The following TEX15 variants were observed in gnomAD, a reference collection of about 807,000 sequenced individuals.
TEX15 encodes the protein testis expressed 15, meiosis and synapsis associated, also known as testis-expressed protein 15.
TEX15 carries 171 observed loss-of-function variants against 237.3 expected under a neutral mutation model. The ratio of observed to expected loss-of-function variants is 0.72; its 90% CI spans 0.64 to 0.82. The LOEUF (loss-of-function observed/expected upper bound fraction) is 0.82. Ranked by LOEUF, TEX15 falls within the 40% of genes least tolerant of loss-of-function variation. TEX15 has a pLI of 0.00. For missense variants in TEX15, 3,750 were observed against 3,646.5 expected, an observed-to-expected ratio of 1.03 and a Z score of -0.73; for synonymous variants, 1,338 against 1,269.8, an observed-to-expected ratio of 1.05 and a Z score of -1.14.
intron 7 of TEX15, among the ~76,000 whole-genome samples, chr8:30,854,260 A>C (rs1354240280): frequency 7.7e-6 from 1 of 130,522 alleles, no homozygotes; most frequent in Non-Finnish European, 1.6e-5. Flanking sequence ...CTGACTGACC[A>C]AAAAAAAAAA....
chr8:30,881,312 T>C (rs1808515162), intron 3 of TEX15, among the ~76,000 whole-genome samples: 1 of 152,302 alleles, frequency 6.6e-6, no homozygotes, highest in East Asian at 1.9e-4. Context: ...TTCTGTTCTT[T>C]AAATCTTTAG....
chr8:30,893,439 C>T (rs1042573046), intron 2 of TEX15, among the ~76,000 whole-genome samples: 1 of 152,196 alleles, frequency 6.6e-6, no homozygotes. Flanking sequence ...CAATGACTTA[C>T]GGTTTTGTTT....
intron 7 of TEX15, among the ~76,000 whole-genome samples, chr8:30,853,619 A>C (rs924914345): frequency 6.6e-6 from 1 of 152,180 alleles, no homozygotes; most frequent in African/African-American, 2.4e-5. Context: ...ATATTGACCC[A>C]GTCTGTGTAA....
In TEX15 at chr8:30,849,000, T is replaced by A; in HGVS notation, c.1167A>T (p.Lys389Asn). ...SDISLMPSDA[K>N]DSVNGDLLLN... ...ACAAAAGGTCACCATTAACACTGTC[T>A]TTGGCATCACTGGGCATAAGTGAAA... The change falls in exon 8 of 11, where the codon AAA (lysine) becomes AAT (asparagine). Residue 389 changes from lysine (K) to asparagine (N), a missense_variant. By Grantham distance (94) the Lys-to-Asn change is moderately conservative. Coordinates refer to ENST00000643185, the MANE Select transcript of TEX15 (RefSeq NM_001350162.2). The A allele has an allele frequency of 6.2e-7, 1 of 1,614,172 alleles. No homozygotes were observed. Among genetic ancestry groups the A allele is most frequent in the Non-Finnish European group, 8.5e-7 (1 of 1,180,028 alleles).
At chr8:30,851,865 C>T (rs770896566) in intron 7 of TEX15, among the ~76,000 whole-genome samples, 9 of 151,814 alleles carry the variant, frequency 5.9e-5, no homozygotes, top group Non-Finnish European at 1.2e-4. Context: ...ACCCAGGAGG[C>T]GGAAGTTGCA....
chr8:30,866,953 T>C (rs909572141), intron 5 of TEX15, among the ~76,000 whole-genome samples: 8 of 151,678 alleles, frequency 5.3e-5, no homozygotes, highest in African/African-American at 1.7e-4. Flanking sequence ...TAAAACACTA[T>C]AGTACTTATT....
intron 1 of TEX15, among the ~76,000 whole-genome samples, chr8:30,902,268 C>T (rs1035012449): frequency 6.7e-6 from 1 of 150,250 alleles, no homozygotes; most frequent in Non-Finnish European, 1.5e-5. Context: ...CTCTTTTAGC[C>T]AGAGTCACTA....
At chr8:30,859,801 T>C (rs935783879) in intron 6 of TEX15, 110 bp downstream of exon 6, 2 of 824,444 alleles carry the variant, frequency 2.4e-6, no homozygotes, top group Non-Finnish European at 3.3e-6. Context: ...CTTAAGATAT[T>C]ATATTGAACG....
intron 8 of TEX15, 150 bp downstream of exon 8, chr8:30,841,854 G>A (rs910493534): frequency 1.6e-5 from 8 of 504,086 alleles, no homozygotes; most frequent in African/African-American, 1.2e-4. Flanking sequence ...AATATGAATT[G>A]TTTAAATCAA....
chr8:30,845,280 A>AG lies in TEX15; in HGVS notation c.4886dup (p.Ser1630Ter). ...TTGCATCACAATCGTTGCCTGTACT[A>AG]GAATTTATGTTTTCTTTTATGCAAC... On this transcript the variant is annotated frameshift_variant, in exon 8 of 11. Coordinates refer to ENST00000643185, the MANE Select transcript of TEX15 (RefSeq NM_001350162.2). LOFTEE classifies it high-confidence loss of function. 6.2e-7 allele frequency: 1 copy of AG among 1,613,248 alleles called. No individual in the cohort carries two copies. Among genetic ancestry groups the AG allele is most frequent in the Non-Finnish European group, 8.5e-7 (1 of 1,179,474 alleles).
At chr8:30,859,818 G>A in intron 6 of TEX15, 93 bp downstream of exon 6, 2 of 977,810 alleles carry the variant, frequency 2.0e-6, no homozygotes, top group Non-Finnish European at 2.7e-6. Context: ...AACGAATTAA[G>A]AGATTTTCAT....
At chr8:30,879,010 T>C (rs1046853576) in intron 3 of TEX15, among the ~76,000 whole-genome samples, 2 of 152,254 alleles carry the variant, frequency 1.3e-5, no homozygotes, top group African/African-American at 2.4e-5. Context: ...GGTTTTCATA[T>C]GCATTTCCTT....
intron 7 of TEX15, among the ~76,000 whole-genome samples, chr8:30,851,955 C>T (rs1807797386): frequency 6.6e-6 from 1 of 152,008 alleles, no homozygotes; most frequent in African/African-American, 2.4e-5. Context: ...GCAAAAAAAC[C>T]CTAACTGCTT....
intron 3 of TEX15, among the ~76,000 whole-genome samples, chr8:30,881,076 A>G (rs1348743895): frequency 6.6e-6 from 1 of 152,142 alleles, no homozygotes; most frequent in Non-Finnish European, 1.5e-5. Flanking sequence ...ATTATGTTGA[A>G]TAAGAGTGGT....
chr8:30,844,119 T>G lies in TEX15; in HGVS notation c.6048A>C (p.Leu2016=), dbSNP rs557517548. 5.0e-6 allele frequency: 8 copies of G among 1,613,372 alleles called. No individual in the cohort carries two copies. The African/African-American group carries it at 1.1e-4, about 22-fold the overall frequency. The change falls in exon 8 of 11, where the codon CTA becomes CTC. Residue 2016 remains leucine (L), a synonymous_variant. Coordinates refer to ENST00000643185, the MANE Select transcript of TEX15 (RefSeq NM_001350162.2). ...RADEASSLQI[L]QEETKVCLNI... ...TTAGACAAACCTTAGTTTCTTCCTG[T>G]AGAATCTGCAAAGATGATGCTTCAT...
intron 2 of TEX15, among the ~76,000 whole-genome samples, chr8:30,894,870 G>C (rs1179964145): frequency 1.3e-5 from 2 of 152,182 alleles, no homozygotes; most frequent in Non-Finnish European, 2.9e-5. Context: ...CTTACAAACA[G>C]ACTGTGAAGA....
intron 1 of TEX15, among the ~76,000 whole-genome samples, chr8:30,910,028 A>G (rs1009219727): frequency 1.3e-5 from 2 of 152,208 alleles, no homozygotes; most frequent in Middle Eastern, 3.2e-3. Flanking sequence ...ATAGGAACAT[A>G]GCAAAAGCAG....
rs1322227046 is a variant in TEX15, at chr8:30,842,188, T to C, written c.7979A>G (p.His2660Arg). 3 of 1,611,988 alleles carry C rather than the reference T, an allele frequency of 1.9e-6. No individual in the cohort carries two copies. Among genetic ancestry groups the C allele is most frequent in the Non-Finnish European group, 2.5e-6 (3 of 1,179,338 alleles). The change falls in exon 8 of 11, where the codon CAT (histidine) becomes CGT (arginine). Residue 2660 changes from histidine to arginine, a missense_variant. By Grantham distance (29) the His-to-Arg change is conservative (BLOSUM62 0). Coordinates refer to ENST00000643185, the MANE Select transcript of TEX15 (RefSeq NM_001350162.2). ...GTTATTTTCCCCAGGTTTTACAATA[T>C]GAATATTCATTTTTTCTTTTCTCTT... ...QLKRKEKMNI[H>R]IVKPGENNNK...
intron 7 of TEX15, among the ~76,000 whole-genome samples, chr8:30,851,924 A>C (rs759581540): frequency 3.3e-5 from 5 of 152,064 alleles, no homozygotes; most frequent in Non-Finnish European, 5.9e-5. Flanking sequence ...ACAGAGCAAG[A>C]CCCCATCTCA....
Sources: allele counts gnomAD v4.1 joint callset (sites outside exome capture counted in the v4.1 genomes callset), GRCh38; gene constraint gnomAD v4.1.1; transcripts MANE v1.5; gene names NCBI Gene and HGNC (gene_info 2026-07-23, HGNC 2026-07-21).